ADGRL2: variants seen among roughly 807,000 people sequenced by gnomAD.
ADGRL2 encodes adhesion G protein-coupled receptor L2, also known as calcium-independent alpha-latrotoxin receptor 2.
A neutral mutation model predicts 157.4 loss-of-function variants in ADGRL2; 44 were observed. That is an observed-to-expected ratio of 0.28 (90% CI 0.22 to 0.36). The LOEUF (loss-of-function observed/expected upper bound fraction) is 0.36, where lower values mean the gene tolerates loss of function less well. ADGRL2 is among the 10% of genes least tolerant of loss of function. ADGRL2 has a pLI of 1.00. For missense variants in ADGRL2, 1,510 were observed against 1,768.9 expected (o/e 0.85, Z 2.63); for synonymous variants, 585 against 624.7 (o/e 0.94, Z 0.95).
At chr1:81,875,005 CCTT>C (rs1261186380) in intron 2 of ADGRL2, among the ~76,000 whole-genome samples, 1 of 152,128 alleles carries the variant, frequency 6.6e-6, no homozygotes, top group African/African-American at 2.4e-5. Context: ...TCGAACCTGA[CCTT>C]CTTTTTTAAG....
chr1:81,503,368 G>C (rs2078897498), intron 2 of ADGRL2: 2 of 1,613,754 alleles, frequency 1.2e-6, no homozygotes, highest in African/African-American at 1.3e-5. Context: ...CCAGAGCCTC[G>C]GCAGCAGCGC....
At chr1:81,915,189 C>T (rs2094826602) in intron 3 of ADGRL2, among the ~76,000 whole-genome samples, 1 of 152,076 alleles carries the variant, frequency 6.6e-6, no homozygotes, top group African/African-American at 2.4e-5. Context: ...GATCCTCCCA[C>T]CTCAGTCTCC....
intron 2 of ADGRL2, among the ~76,000 whole-genome samples, chr1:81,478,805 T>A (rs932236576): frequency 6.6e-6 from 1 of 152,168 alleles, no homozygotes; most frequent in African/African-American, 2.4e-5. Context: ...GTGTAAGTTA[T>A]GAGAAAAATA....
intron 2 of ADGRL2, among the ~76,000 whole-genome samples, chr1:81,858,345 A>T (rs2093275365): frequency 1.3e-5 from 2 of 152,198 alleles, no homozygotes; most frequent in Non-Finnish European, 2.9e-5. Flanking sequence ...TGATTTATTC[A>T]TGAAGTCATT....
At chr1:81,679,264 G>A (rs1465825639) in intron 3 of ADGRL2, among the ~76,000 whole-genome samples, 2 of 152,138 alleles carry the variant, frequency 1.3e-5, no homozygotes, top group Non-Finnish European at 2.9e-5. Flanking sequence ...CCAATTTCCA[G>A]AATCTTAAGA....
intron 1 of ADGRL2, among the ~76,000 whole-genome samples, chr1:81,352,727 T>C (rs952839122): frequency 6.6e-6 from 1 of 152,180 alleles, no homozygotes; most frequent in African/African-American, 2.4e-5. Flanking sequence ...ACAGCCATTC[T>C]TTTTAGTCAT....
At chr1:81,424,370 A>G (rs751934875) in intron 1 of ADGRL2, among the ~76,000 whole-genome samples, 9 of 152,244 alleles carry the variant, frequency 5.9e-5, no homozygotes, top group Non-Finnish European at 1.0e-4. Context: ...TAATTGCACC[A>G]TAATGATTTT....
chr1:81,959,862 G>A (rs1284209983), intron 11 of ADGRL2, among the ~76,000 whole-genome samples: 5 of 151,504 alleles, frequency 3.3e-5, no homozygotes, highest in African/African-American at 7.3e-5. Context: ...GTGCAATGGC[G>A]CGATCTTGGC....
At chr1:81,516,618 G>T (rs888398969) in intron 2 of ADGRL2, among the ~76,000 whole-genome samples, 1 of 152,196 alleles carries the variant, frequency 6.6e-6, no homozygotes, top group Non-Finnish European at 1.5e-5. Flanking sequence ...GAAAATTCTT[G>T]TAAGTCTAAC....
chr1:81,726,430 T>G (rs2084531777), intron 1 of ADGRL2, among the ~76,000 whole-genome samples: 1 of 152,328 alleles, frequency 6.6e-6, no homozygotes, highest in East Asian at 1.9e-4. Context: ...TGTGTGGCTA[T>G]TGATTACTCA....
intron 3 of ADGRL2, among the ~76,000 whole-genome samples, chr1:81,919,017 C>T (rs937395439): frequency 2.0e-5 from 3 of 151,912 alleles, no homozygotes; most frequent in Non-Finnish European, 4.4e-5. Flanking sequence ...TCACGCCTAC[C>T]TTTTTTATTT....
At chr1:81,970,596 T>G (rs1264011085) in intron 16 of ADGRL2, 62 bp downstream of exon 16, 1 of 1,274,482 alleles carries the variant, frequency 7.8e-7, no homozygotes, top group African/African-American at 1.5e-5. Flanking sequence ...GCCTGTTAGC[T>G]GTCAGTGAGG....
At chr1:81,446,562 A>G (rs191034547) in intron 2 of ADGRL2, among the ~76,000 whole-genome samples, 189 of 152,306 alleles carry the variant, frequency 1.2e-3, no homozygotes, top group African/African-American at 4.3e-3. Context: ...CCACTAGCAA[A>G]AACATATTTC....
intron 3 of ADGRL2, among the ~76,000 whole-genome samples, chr1:81,600,856 C>T (rs2081320048): frequency 6.6e-6 from 1 of 152,194 alleles, no homozygotes; most frequent in Admixed American, 6.5e-5. Flanking sequence ...ATCAGTTTGG[C>T]TACCTTGCCT....
intron 1 of ADGRL2, chr1:81,426,943 A>C: frequency 1.4e-6 from 1 of 723,210 alleles, no homozygotes; most frequent in South Asian, 1.4e-5. Context: ...GACAGAGTGA[A>C]AAAAAGGAAG....
At chr1:81,502,296 G>T (rs1414356284) in intron 2 of ADGRL2, 2 of 1,613,834 alleles carry the variant, frequency 1.2e-6, no homozygotes, top group Non-Finnish European at 1.7e-6. Context: ...TCCACAGCAG[G>T]ACAGCTGAAC....
At position 81,378,997 on chromosome 1, in the gene ADGRL2, G is replaced by A. The variant is rs148037630; in HGVS notation, c.-301-66039G>A. ...TTGCCATATTTGTTAATACCTCTCA[G>A]CTGTTTATTAGCATTCTTACTTCAA... On this transcript the variant is annotated intron_variant, in intron 1 of 24. Transcript: ENST00000370721. 2.9e-3 allele frequency among the ~76,000 whole-genome samples: 434 copies of A among 152,218 alleles called. 3 individuals carry two copies. The highest frequency in any genetic ancestry group is 0.01 in the African/African-American group (427 of 41,528).
At chr1:81,766,031 T>C (rs1246855764) in intron 2 of ADGRL2, among the ~76,000 whole-genome samples, 2 of 152,200 alleles carry the variant, frequency 1.3e-5, no homozygotes, top group African/African-American at 4.8e-5. Flanking sequence ...ATTATTCTTG[T>C]AGATTATAGT....
intron 1 of ADGRL2, among the ~76,000 whole-genome samples, chr1:81,832,847 G>A (rs2092043276): frequency 6.6e-6 from 1 of 152,182 alleles, no homozygotes. Flanking sequence ...CTTACTGAAG[G>A]AAAACTCCCA....
Sources: allele counts gnomAD v4.1 joint callset (sites outside exome capture counted in the v4.1 genomes callset), GRCh38; gene constraint gnomAD v4.1.1; transcripts MANE v1.5; gene names NCBI Gene and HGNC (gene_info 2026-07-23, HGNC 2026-07-21).